PAPPA2: variants seen among roughly 807,000 people sequenced by gnomAD.
The protein encoded by PAPPA2 is pappalysin 2, also known as pappalysin-2.
In PAPPA2, 86 loss-of-function variants were observed where a neutral mutation model predicts 176.4. The observed-to-expected ratio is 0.49, with a 90% CI of 0.41 to 0.58. The LOEUF is 0.58. Ranked by LOEUF, PAPPA2 falls within the 20% of genes least tolerant of loss-of-function variation. The pLI, the probability that PAPPA2 is intolerant of heterozygous loss-of-function variation, is 0.00. For synonymous variants in PAPPA2, 809 were observed against 852.2 expected, an observed-to-expected ratio of 0.95 and a Z score of 0.88; for missense variants, 2,073 against 2,256.9, an observed-to-expected ratio of 0.92 and a Z score of 1.65.
intron 3 of PAPPA2, among the ~76,000 whole-genome samples, chr1:176,610,567 A>T (rs1178552862): frequency 1.3e-5 from 2 of 152,032 alleles, no homozygotes; most frequent in African/African-American, 4.8e-5. Flanking sequence ...AGATTGCTGA[A>T]GGAGATGCTC....
intron 1 of PAPPA2, among the ~76,000 whole-genome samples, chr1:176,475,252 AG>A (rs933186224): frequency 6.6e-6 from 1 of 152,182 alleles, no homozygotes; most frequent in African/African-American, 2.4e-5. Flanking sequence ...GGCACAGAGT[AG>A]GTGGTCAATA....
At chr1:176,738,263 G>A (rs190604148) in intron 12 of PAPPA2, among the ~76,000 whole-genome samples, 47 of 152,052 alleles carry the variant, frequency 3.1e-4, no homozygotes, top group Admixed American at 3.1e-3. Context: ...AAATAAAAAG[G>A]GGGGGAAAGA....
chr1:176,597,959 C>T (rs938642233), intron 3 of PAPPA2, among the ~76,000 whole-genome samples: 2 of 152,158 alleles, frequency 1.3e-5, no homozygotes, highest in Admixed American at 1.3e-4. Flanking sequence ...TTATAACTTA[C>T]TCACCTCACT....
At chr1:176,681,648 T>A (rs1179807963) in intron 4 of PAPPA2, among the ~76,000 whole-genome samples, 1 of 152,076 alleles carries the variant, frequency 6.6e-6, no homozygotes, top group Non-Finnish European at 1.5e-5. Context: ...CCAAATATGG[T>A]GTATCTGTGG....
chr1:176,640,302 A>C, intron 3 of PAPPA2, among the ~76,000 whole-genome samples: 2 of 149,474 alleles, frequency 1.3e-5, no homozygotes, highest in African/African-American at 2.4e-5. Flanking sequence ...TTAACTCGTC[A>C]TCTAGCATTA....
intron 17 of PAPPA2, among the ~76,000 whole-genome samples, chr1:176,774,309 C>G (rs577205327): frequency 6.6e-6 from 1 of 152,128 alleles, no homozygotes; most frequent in African/African-American, 2.4e-5. Flanking sequence ...AGTATCTTCC[C>G]TTAAGGGCCA....
intron 14 of PAPPA2, among the ~76,000 whole-genome samples, chr1:176,754,504 G>GCCCCCCC (rs1206141173): frequency 1.3e-5 from 2 of 151,998 alleles, no homozygotes; most frequent in African/African-American, 4.8e-5. Flanking sequence ...TCAAAAATAA[G>GCCCCCCC]CCCCATGGCC....
chr1:176,586,756 T>C (rs944433697), intron 2 of PAPPA2, among the ~76,000 whole-genome samples: 1 of 152,226 alleles, frequency 6.6e-6, no homozygotes, highest in African/African-American at 2.4e-5. Flanking sequence ...TAAATATATG[T>C]GTGCATGTGT....
At chr1:176,753,165 A>G (rs1663259203) in intron 14 of PAPPA2, among the ~76,000 whole-genome samples, 2 of 152,194 alleles carry the variant, frequency 1.3e-5, no homozygotes, top group Non-Finnish European at 2.9e-5. Context: ...TGGTTACACT[A>G]TAGGTTACAA....
At chr1:176,741,839 G>T (rs1462755986) in intron 14 of PAPPA2, among the ~76,000 whole-genome samples, 1 of 152,140 alleles carries the variant, frequency 6.6e-6, no homozygotes, top group Non-Finnish European at 1.5e-5. Context: ...ACATTTATTA[G>T]AATTATGGCC....
intron 21 of PAPPA2, among the ~76,000 whole-genome samples, chr1:176,818,870 T>C (rs1269418149): frequency 6.6e-6 from 1 of 152,142 alleles, no homozygotes; most frequent in Non-Finnish European, 1.5e-5. Flanking sequence ...TGACTGAAAA[T>C]TGCAACCATC....
intron 21 of PAPPA2, among the ~76,000 whole-genome samples, chr1:176,825,446 A>C (rs1339112472): frequency 1.3e-5 from 2 of 152,218 alleles, no homozygotes; most frequent in Non-Finnish European, 2.9e-5. Context: ...ATTTAATTGC[A>C]GATACATATT....
chr1:176,510,740 A>G (rs899005505), intron 1 of PAPPA2, among the ~76,000 whole-genome samples: 4 of 151,634 alleles, frequency 2.6e-5, no homozygotes, highest in African/African-American at 9.7e-5. Context: ...TATCACTGTA[A>G]GTAATATAAT....
At chr1:176,586,713 T>C (rs920155430) in intron 2 of PAPPA2, among the ~76,000 whole-genome samples, 1 of 152,220 alleles carries the variant, frequency 6.6e-6, no homozygotes, top group African/African-American at 2.4e-5. Context: ...TTGGGTTGGT[T>C]CCATGTCTTT....
chr1:176,735,720 CTATCT>C (rs1344433917), intron 12 of PAPPA2, among the ~76,000 whole-genome samples: 6 of 144,742 alleles, frequency 4.1e-5, no homozygotes, highest in Admixed American at 2.8e-4. Context: ...ATCTATCTAT[CTATCT>C]ATCTATCTAT....
Position 176,677,644 on chromosome 1 carries a change from C to T in PAPPA2, c.2137+6529C>T, listed in dbSNP as rs551834495. ...AACCAGCCCTTTTATACCTTGGATA[C>T]CATACTCATTGTCATTGATACCATA... On this transcript the variant is annotated intron_variant, in intron 4 of 22. Coordinates refer to ENST00000367662, the MANE Select transcript of PAPPA2 (RefSeq NM_020318.3). 2.5e-4 allele frequency among the ~76,000 whole-genome samples: 38 copies of T among 152,238 alleles called. No individual in the cohort carries two copies. The South Asian group carries it at 7.9e-3, about 32-fold the overall frequency.
chr1:176,708,925 T>C (rs1302006816), intron 10 of PAPPA2, among the ~76,000 whole-genome samples: 1 of 152,214 alleles, frequency 6.6e-6, no homozygotes, highest in East Asian at 1.9e-4. Flanking sequence ...TTTCATGTCC[T>C]ATTTTTAAAT....
intron 1 of PAPPA2, among the ~76,000 whole-genome samples, chr1:176,542,500 T>A (rs1226246581): frequency 6.6e-6 from 1 of 152,256 alleles, no homozygotes; most frequent in African/African-American, 2.4e-5. Flanking sequence ...CAGCCTGTGC[T>A]GTCTGATGCC....
chr1:176,751,102 T>C (rs1028462359), intron 14 of PAPPA2, among the ~76,000 whole-genome samples: 4 of 151,910 alleles, frequency 2.6e-5, no homozygotes, highest in African/African-American at 9.7e-5. Flanking sequence ...TAGGGAATCC[T>C]TTCCCCATTG....
Sources: gnomAD v4.1 joint callset for allele counts (sites outside exome capture counted in the v4.1 genomes callset) on GRCh38, gnomAD v4.1.1 for gene constraint, MANE v1.5 for transcripts, NCBI Gene and HGNC (gene_info 2026-07-23, HGNC 2026-07-21) for gene names.